ROCK1: variants seen among roughly 807,000 people sequenced by gnomAD.
The protein encoded by ROCK1 is rho-associated protein kinase 1.
A neutral mutation model predicts 196.8 loss-of-function variants in ROCK1; 36 were observed. The ratio of observed to expected loss-of-function variants is 0.18; its 90% CI spans 0.14 to 0.24. ROCK1 has a LOEUF of 0.24. ROCK1 is among the 10% of genes least tolerant of loss of function. ROCK1 has a pLI of 1.00. For synonymous variants in ROCK1, 443 were observed against 515.9 expected (o/e 0.86, Z 1.91); for missense variants, 920 against 1,562.0 (o/e 0.59, Z 6.93).
chr18:20,947,254 G>A lies in ROCK1; in HGVS notation c.*4130C>T, dbSNP rs534720296. 3.3e-5 allele frequency: 5 copies of A among 151,994 alleles called. No individual in the cohort carries two copies. The highest frequency in any genetic ancestry group is 1.2e-4 in the African/African-American group (5 of 41,466). 9.4% of individuals were successfully genotyped at this position (151,994 alleles called of 1,614,324 possible). On this transcript the variant is annotated 3_prime_UTR_variant, in exon 33 of 33. Transcript: ENST00000399799. ...AAATCTGAGTTACATATACTTTGGA[G>A]ATAATCCATTAGAAAACACAGCTAA...
chr18:21,018,994 A>T, intron 12 of ROCK1, among the ~76,000 whole-genome samples: 1 of 152,214 alleles, frequency 6.6e-6, no homozygotes. Context: ...TAATGACAAT[A>T]ACATGCTGAA....
intron 1 of ROCK1, among the ~76,000 whole-genome samples, chr18:21,107,230 T>C (rs182007057): frequency 6.6e-6 from 1 of 152,322 alleles, no homozygotes; most frequent in African/African-American, 2.4e-5. Context: ...TTTGAGCACT[T>C]CAAATTTCAG....
chr18:21,076,712 T>C (rs1405065656), intron 1 of ROCK1, among the ~76,000 whole-genome samples: 2 of 150,050 alleles, frequency 1.3e-5, no homozygotes, highest in Non-Finnish European at 3.0e-5. Flanking sequence ...CACAGAGCCA[T>C]AATTTATTTT....
rs1384979681 is a variant in ROCK1, at chr18:21,111,234, G to A, written c.-324C>T. The A allele has an allele frequency of 6.0e-6, 3 of 497,368 alleles. No individual in the cohort carries two copies. Among genetic ancestry groups the A allele is most frequent in the Non-Finnish European group, 1.1e-5 (3 of 284,176 alleles). 30.8% of individuals were successfully genotyped at this position (497,368 alleles called of 1,614,324 possible). On this transcript the variant is annotated 5_prime_UTR_variant, in exon 1 of 33. In the 5' UTR this introduces an upstream ATG that the reference lacks. Coordinates refer to ENST00000399799, the MANE Select transcript of ROCK1 (RefSeq NM_005406.3). This position sits in a 1 kb window ranked among gnomAD's most constrained non-coding sequence, Gnocchi z 4.2. Reference sequence around the variant, plus strand: ...TTCAGTCTAGCGGGCCCCGGCCGCCGTCGCCATGGAGGGGTCCCCGTCCCG... The same window carrying A: ...TTCAGTCTAGCGGGCCCCGGCCGCCATCGCCATGGAGGGGTCCCCGTCCCG...
At position 21,111,117 on chromosome 18, in the gene ROCK1, C is replaced by G; in HGVS notation, c.-207G>C. 3.5e-6 allele frequency: 2 copies of G among 577,096 alleles called. No homozygotes were observed. Among genetic ancestry groups the G allele is most frequent in the South Asian group, 4.1e-5 (2 of 48,208 alleles). The allele number at this position is 577,096 out of a possible 1,614,324, so 35.7% of individuals were successfully genotyped here. On this transcript the variant is annotated 5_prime_UTR_variant, in exon 1 of 33. Coordinates refer to ENST00000399799, the MANE Select transcript of ROCK1 (RefSeq NM_005406.3). This position sits in a 1 kb window ranked among gnomAD's most constrained non-coding sequence, Gnocchi z 4.2. ...GCCGGGGGCAACAGCGACCCACAGC[C>G]GCTCGGACGCCCAAAGTCGCATCCC...
In ROCK1 at chr18:20,974,361, G is replaced by A. The variant is rs552928013; in HGVS notation, c.2655-3848C>T. 1.4e-4 allele frequency among the ~76,000 whole-genome samples: 22 copies of A among 152,274 alleles called. No homozygotes were observed. In the South Asian group the frequency reaches 4.6e-3, roughly 32 times the overall value. ...GCCAAATCTAAGAATATTGGGAGTG[G>A]TTCTGCTAGCTACTATAATACAGGG... On this transcript the variant is annotated intron_variant, in intron 22 of 32. Transcript: ENST00000399799.
At chr18:21,002,006 A>C (rs530681973) in intron 16 of ROCK1, among the ~76,000 whole-genome samples, 1 of 152,344 alleles carries the variant, frequency 6.6e-6, no homozygotes, top group South Asian at 2.1e-4. Flanking sequence ...AATCATTTAT[A>C]AACTAAGCCA....
chr18:20,950,784 T>C lies in ROCK1; in HGVS notation c.*600A>G, dbSNP rs1447177314. On this transcript the variant is annotated 3_prime_UTR_variant, in exon 33 of 33. Transcript: ENST00000399799. ...GTATTTTGTAAAGCATAATGAAAGA[T>C]ATTTAATTTCTCCATCAAGTCCAAC... 1 of 152,664 alleles carries C rather than the reference T, an allele frequency of 6.6e-6. No homozygotes were observed. Among genetic ancestry groups the C allele is most frequent in the African/African-American group, 2.4e-5 (1 of 41,464 alleles). The allele number at this position is 152,664 out of a possible 1,614,324, so 9.5% of individuals were successfully genotyped here. A position where few individuals can be genotyped will look rare whatever the true frequency, so the allele number is the denominator to read the frequency against.
At chr18:21,033,222 G>GA (rs912735820) in intron 9 of ROCK1, among the ~76,000 whole-genome samples, 2 of 151,236 alleles carry the variant, frequency 1.3e-5, no homozygotes, top group South Asian at 2.1e-4. Flanking sequence ...ATAAAATGAA[G>GA]AAAAAAAACC....
intron 10 of ROCK1, among the ~76,000 whole-genome samples, chr18:21,025,531 C>T (rs1310020989): frequency 1.3e-5 from 2 of 152,072 alleles, no homozygotes; most frequent in Non-Finnish European, 2.9e-5. Context: ...TTGAGACCAG[C>T]CTGGCCAACA....
rs985533835 is a variant in ROCK1 at position 20,948,023 on chromosome 18, T to C, written c.*3361A>G. On this transcript the variant is annotated 3_prime_UTR_variant, in exon 33 of 33. Transcript: ENST00000399799. ...TACTCGGGAGTCTGAGGCAGGAGGA[T>C]CACTTGAACCTGGGAGGCGGAGGTT... 5 of 152,052 alleles carry C rather than the reference T, an allele frequency of 3.3e-5. No homozygotes were observed. Among genetic ancestry groups the C allele is most frequent in the African/African-American group, 1.2e-4 (5 of 41,406 alleles). 9.4% of individuals were successfully genotyped at this position (152,052 alleles called of 1,614,324 possible).
chr18:21,051,177 G>A (rs1390130719), intron 2 of ROCK1, among the ~76,000 whole-genome samples: 1 of 152,200 alleles, frequency 6.6e-6, no homozygotes, highest in East Asian at 1.9e-4. Context: ...GCCAGGTGTG[G>A]TGGCTCATGC....
chr18:21,097,172 C>A (rs1039207519), intron 1 of ROCK1, among the ~76,000 whole-genome samples: 1 of 152,278 alleles, frequency 6.6e-6, no homozygotes, highest in African/African-American at 2.4e-5. Flanking sequence ...AATAGGTACA[C>A]TGAGACCACA....
rs45492605 is a variant in ROCK1 at position 21,023,616 on chromosome 18, C to T, written c.1272+4G>A. ...AATTTTCTTAATACTAAGAAAATAC[C>T]TACCAAGCTTTTATCTGCATTGGAG... On this transcript the variant is annotated splice_donor_region_variant and intron_variant, in intron 11 of 32. Coordinates refer to ENST00000399799, the MANE Select transcript of ROCK1 (RefSeq NM_005406.3). 1.8e-3 allele frequency: 2,722 copies of T among 1,507,458 alleles called. 11 individuals are homozygous for T. Among genetic ancestry groups the T allele is most frequent in the Non-Finnish European group, 2.1e-3 (2,342 of 1,106,938 alleles). The allele number at this position is 1,507,458 out of a possible 1,614,324, so 93.4% of individuals were successfully genotyped here. A position where few individuals can be genotyped will look rare whatever the true frequency, so the allele number is the denominator to read the frequency against.
At chr18:21,016,278 G>A (rs545903569) in intron 12 of ROCK1, among the ~76,000 whole-genome samples, 92 of 152,142 alleles carry the variant, frequency 6.0e-4, no homozygotes, top group Non-Finnish European at 7.4e-4. Context: ...TAGAGAAAAC[G>A]TTCACCTTTT....
intron 29 of ROCK1, among the ~76,000 whole-genome samples, chr18:20,959,063 T>A (rs866887534): frequency 9.8e-4 from 47 of 47,982 alleles, no homozygotes; most frequent in African/African-American, 8.7e-3. Context: ...TATATTATAT[T>A]TTATATTATA....
intron 11 of ROCK1, among the ~76,000 whole-genome samples, chr18:21,021,585 T>C (rs1286991799): frequency 6.6e-6 from 1 of 152,216 alleles, no homozygotes. Flanking sequence ...TCCACTGTAT[T>C]TGGCAATTGC....
chr18:20,992,955 A>G lies in ROCK1; in HGVS notation c.1886-18T>C, dbSNP rs772329360. ...AATTCGAGCTATCAAGTGAGAAAAA[A>G]GTTCAAGTCTGTAGTCATTGAAAGA... is the stretch of plus-strand genomic sequence containing the variant. On this transcript the variant is annotated intron_variant, in intron 16 of 32. Coordinates refer to ENST00000399799, the MANE Select transcript of ROCK1 (RefSeq NM_005406.3). 4 of 1,500,436 alleles carry G rather than the reference A, an allele frequency of 2.7e-6. No homozygotes were observed. Among genetic ancestry groups the G allele is most frequent in the Admixed American group, 3.4e-5 (2 of 59,406 alleles). 92.9% of individuals were successfully genotyped at this position (1,500,436 alleles called of 1,614,324 possible).
At position 20,950,357 on chromosome 18, in the gene ROCK1, T is replaced by TG. The variant is rs550207332; in HGVS notation, c.*1026dup. The TG allele has an allele frequency of 1.6e-4, 25 of 152,784 alleles. No homozygotes were observed. In the South Asian group the frequency reaches 4.8e-3, roughly 29 times the overall value. 9.5% of individuals were successfully genotyped at this position (152,784 alleles called of 1,614,324 possible). ...TATTTTAAATTAAACCAATTATCAA[T>TG]GAAAAACTCACTGACACACATAATT... On this transcript the variant is annotated 3_prime_UTR_variant, in exon 33 of 33. Coordinates refer to ENST00000399799, the MANE Select transcript of ROCK1 (RefSeq NM_005406.3).
Sources: gnomAD v4.1 joint callset for allele counts (sites outside exome capture counted in the v4.1 genomes callset) on GRCh38, gnomAD v4.1.1 for gene constraint, Gnocchi (gnomAD v3.1) non-coding constraint, MANE v1.5 for transcripts, NCBI Gene and HGNC (gene_info 2026-07-23, HGNC 2026-07-21) for gene names.